Variants in ST6GALNAC5 observed in about 807,000 individuals in gnomAD.
ST6GALNAC5 encodes the protein ST6 N-acetylgalactosaminide alpha-2,6-sialyltransferase 5.
A neutral mutation model predicts 33.6 loss-of-function variants in ST6GALNAC5; 27 were observed. That is an observed-to-expected ratio of 0.80 (90% CI 0.59 to 1.11). The LOEUF (loss-of-function observed/expected upper bound fraction) is 1.11. ST6GALNAC5 is among the 50% of genes least tolerant of loss of function. ST6GALNAC5 has a pLI of 0.00. For synonymous variants in ST6GALNAC5, 194 were observed against 171.2 expected (o/e 1.13, Z -1.04); for missense variants, 428 against 454.0 (o/e 0.94, Z 0.52).
intron 2 of ST6GALNAC5, among the ~76,000 whole-genome samples, chr1:76,919,606 T>A (rs1401695382): frequency 6.6e-6 from 1 of 152,144 alleles, no homozygotes; most frequent in Non-Finnish European, 1.5e-5. Context: ...AGCTATAAAG[T>A]CTTTGGTTTT....
chr1:76,983,353 G>T (rs143962063), intron 2 of ST6GALNAC5, among the ~76,000 whole-genome samples: 2,812 of 152,032 alleles, frequency 0.018, 56 homozygotes, highest in Admixed American at 0.065. Flanking sequence ...GAAAAAGCAG[G>T]GGTTGCAATC....
intron 2 of ST6GALNAC5, among the ~76,000 whole-genome samples, chr1:76,969,385 G>A (rs749480263): frequency 2.6e-5 from 4 of 152,178 alleles, no homozygotes; most frequent in Admixed American, 6.5e-5. Context: ...ATCCCATGCC[G>A]GGTTCAGCAA....
chr1:77,002,038 T>C (rs1370573369), intron 2 of ST6GALNAC5, among the ~76,000 whole-genome samples: 3 of 152,166 alleles, frequency 2.0e-5, no homozygotes, highest in African/African-American at 4.8e-5. Context: ...TCTTTTTCTA[T>C]TGATTGGAAT....
chr1:77,013,562 T>C (rs1423938302), intron 2 of ST6GALNAC5, among the ~76,000 whole-genome samples: 1 of 152,190 alleles, frequency 6.6e-6, no homozygotes, highest in Non-Finnish European at 1.5e-5. Context: ...TTTCTCCTAG[T>C]CTCATATTTT....
intron 2 of ST6GALNAC5, among the ~76,000 whole-genome samples, chr1:77,008,657 G>A (rs1248616703): frequency 6.6e-6 from 1 of 152,132 alleles, no homozygotes; most frequent in Non-Finnish European, 1.5e-5. Flanking sequence ...AGCCTCCGGA[G>A]TAGCTGGGAT....
intron 2 of ST6GALNAC5, among the ~76,000 whole-genome samples, chr1:76,951,113 A>G (rs1161622842): frequency 6.6e-6 from 1 of 152,146 alleles, no homozygotes; most frequent in Non-Finnish European, 1.5e-5. Context: ...CTGTAAAGTC[A>G]ACAGGGTTTA....
chr1:76,964,843 T>A (rs898853828), intron 2 of ST6GALNAC5, among the ~76,000 whole-genome samples: 11 of 152,128 alleles, frequency 7.2e-5, no homozygotes, highest in African/African-American at 1.7e-4. Context: ...TACCTATGAA[T>A]GAGAACATGT....
At chr1:76,986,879 T>C (rs1425219013) in intron 2 of ST6GALNAC5, among the ~76,000 whole-genome samples, 2 of 152,206 alleles carry the variant, frequency 1.3e-5, no homozygotes, top group South Asian at 2.1e-4. Context: ...GACATGGATG[T>C]GACTGGAAAC....
chr1:76,947,989 T>C (rs2100333553), intron 2 of ST6GALNAC5, among the ~76,000 whole-genome samples: 1 of 152,180 alleles, frequency 6.6e-6, no homozygotes, highest in East Asian at 1.9e-4. Flanking sequence ...ATCAGAAAAG[T>C]CAGGATACAG....
At chr1:76,878,963 C>T (rs1343661717) in intron 2 of ST6GALNAC5, among the ~76,000 whole-genome samples, 1 of 152,140 alleles carries the variant, frequency 6.6e-6, no homozygotes, top group Non-Finnish European at 1.5e-5. Context: ...CACTTGGCCC[C>T]TGCCACCTCA....
intron 2 of ST6GALNAC5, among the ~76,000 whole-genome samples, chr1:77,020,096 T>C (rs569365640): frequency 1.3e-5 from 2 of 152,212 alleles, no homozygotes; most frequent in Non-Finnish European, 2.9e-5. Context: ...AAACTAATTG[T>C]GCTAATAACA....
chr1:76,926,268 C>T (rs772198199), intron 2 of ST6GALNAC5, among the ~76,000 whole-genome samples: 55 of 152,124 alleles, frequency 3.6e-4, no homozygotes, highest in Admixed American at 1.2e-3. Flanking sequence ...TCACTTTTAT[C>T]TTTGCATATA....
rs146198127 is a variant in ST6GALNAC5 at position 76,986,072 on chromosome 1, G to A, written c.262-58132G>A. On this transcript the variant is annotated intron_variant, in intron 2 of 4. Transcript: ENST00000477717. ...AAAAACCCTAGAAGAAAACCTAGGC[G>A]ATACCTTTCAGGACATAGGCATGGG... Among the ~76,000 whole-genome samples, 407 of 152,148 alleles carry A rather than the reference G, an allele frequency of 2.7e-3. 3 individuals carry two copies. Among genetic ancestry groups the A allele is most frequent in the East Asian group, 0.014 (72 of 5,174 alleles).
At chr1:76,961,657 C>G (rs1021707849) in intron 2 of ST6GALNAC5, among the ~76,000 whole-genome samples, 2 of 152,208 alleles carry the variant, frequency 1.3e-5, no homozygotes, top group African/African-American at 4.8e-5. Flanking sequence ...GCCGTTCCCA[C>G]TCCCTTGAAT....
intron 2 of ST6GALNAC5, among the ~76,000 whole-genome samples, chr1:77,027,505 A>G (rs1236970928): frequency 6.6e-6 from 1 of 152,194 alleles, no homozygotes; most frequent in East Asian, 1.9e-4. Flanking sequence ...ATTATAACCG[A>G]GTTGGAGTAA....
At chr1:76,997,141 T>C (rs539889582) in intron 2 of ST6GALNAC5, among the ~76,000 whole-genome samples, 1 of 152,190 alleles carries the variant, frequency 6.6e-6, no homozygotes, top group Non-Finnish European at 1.5e-5. Flanking sequence ...TGTGTGCTTT[T>C]TTCATAGTAG....
chr1:76,986,206 C>T (rs1649487839), intron 2 of ST6GALNAC5, among the ~76,000 whole-genome samples: 1 of 152,140 alleles, frequency 6.6e-6, no homozygotes, highest in East Asian at 1.9e-4. Flanking sequence ...GCAAAAGAAA[C>T]TATCATCAGA....
At chr1:77,006,314 C>T (rs1289653799) in intron 2 of ST6GALNAC5, among the ~76,000 whole-genome samples, 2 of 144,754 alleles carry the variant, frequency 1.4e-5, no homozygotes, top group African/African-American at 5.1e-5. Context: ...GCCACTACAC[C>T]CGGCTAATTT....
In ST6GALNAC5 at chr1:76,991,859, A is replaced by G. The variant is rs914962174; in HGVS notation, c.262-52345A>G. 2.6e-5 allele frequency among the ~76,000 whole-genome samples: 4 copies of G among 152,208 alleles called. No homozygotes were observed. The East Asian group carries it at 7.7e-4, about 29-fold the overall frequency. On this transcript the variant is annotated intron_variant, in intron 2 of 4. Coordinates refer to ENST00000477717, the MANE Select transcript of ST6GALNAC5 (RefSeq NM_030965.3). ...TGTGCGCACACACACACACACACAC[A>G]CACACAGACACCCTGCCTATTCCTG...
Sources: allele counts gnomAD v4.1 joint callset (sites outside exome capture counted in the v4.1 genomes callset), GRCh38; gene constraint gnomAD v4.1.1; transcripts MANE v1.5; gene names NCBI Gene and HGNC (gene_info 2026-07-23, HGNC 2026-07-21).